TBC1D32: variants seen among roughly 807,000 people sequenced by gnomAD.
The protein encoded by TBC1D32 is TBC1 domain family member 32.
Under a neutral mutation model 170.3 loss-of-function variants are expected in TBC1D32, and 151 were observed. The ratio of observed to expected loss-of-function variants is 0.89; its 90% CI spans 0.78 to 1.01. The LOEUF is 1.01. TBC1D32 is among the 50% of genes least tolerant of loss of function. The pLI, the probability that TBC1D32 is intolerant of heterozygous loss-of-function variation, is 0.00. For synonymous variants in TBC1D32, 498 were observed against 488.0 expected, an observed-to-expected ratio of 1.02 and a Z score of -0.27; for missense variants, 1,464 against 1,457.1, an observed-to-expected ratio of 1.00 and a Z score of -0.08.
intron 24 of TBC1D32, among the ~76,000 whole-genome samples, chr6:121,153,394 T>C (rs550872707): frequency 2.2e-4 from 33 of 152,304 alleles, no homozygotes; most frequent in South Asian, 1.7e-3. Context: ...ACCCACCAGA[T>C]GCCAGCTGAA....
intron 4 of TBC1D32, among the ~76,000 whole-genome samples, chr6:121,308,515 C>T (rs73526697): frequency 0.051 from 7,695 of 151,750 alleles, 383 homozygotes; most frequent in African/African-American, 0.12. Flanking sequence ...CCTGGCAAAG[C>T]ATTTCCATTC....
At chr6:121,238,050 C>A (rs947022657) in intron 20 of TBC1D32, among the ~76,000 whole-genome samples, 1 of 152,126 alleles carries the variant, frequency 6.6e-6, no homozygotes, top group Admixed American at 6.5e-5. Context: ...TCTGATATTT[C>A]TTTACAGTTC....
chr6:121,157,089 C>G (rs899117157), intron 24 of TBC1D32, among the ~76,000 whole-genome samples: 24 of 151,988 alleles, frequency 1.6e-4, no homozygotes, highest in African/African-American at 5.8e-4. Context: ...AGTGATCTGC[C>G]TAATGTTGTC....
At chr6:121,300,395 C>T (rs934938481) in intron 9 of TBC1D32, among the ~76,000 whole-genome samples, 3 of 151,864 alleles carry the variant, frequency 2.0e-5, no homozygotes, top group East Asian at 1.9e-4. Context: ...TGCAGTGAAC[C>T]GAGATTGCGC....
intron 13 of TBC1D32, among the ~76,000 whole-genome samples, chr6:121,283,348 C>A (rs1366002377): frequency 6.6e-6 from 1 of 151,756 alleles, no homozygotes; most frequent in Non-Finnish European, 1.5e-5. Flanking sequence ...AACTAAAAGG[C>A]ATTTTTCTGA....
intron 26 of TBC1D32, 123 bp downstream of exon 26, chr6:121,126,255 T>C (rs1780833700): frequency 6.1e-6 from 4 of 653,628 alleles, no homozygotes; most frequent in Non-Finnish European, 7.8e-6. Flanking sequence ...GGAATGTATA[T>C]GGCACCAAGT....
chr6:121,216,203 C>T (rs1329179195), intron 21 of TBC1D32, among the ~76,000 whole-genome samples: 1 of 152,186 alleles, frequency 6.6e-6, no homozygotes, highest in Non-Finnish European at 1.5e-5. Context: ...CATGAAAAGA[C>T]AAGACTGGCA....
At chr6:121,197,663 C>T (rs1411374610) in intron 22 of TBC1D32, among the ~76,000 whole-genome samples, 1 of 152,062 alleles carries the variant, frequency 6.6e-6, no homozygotes, top group Non-Finnish European at 1.5e-5. Flanking sequence ...AGAAGGATAG[C>T]TGTATTATGT....
In TBC1D32 at chr6:121,328,582, C is replaced by T. The variant is rs542959936; in HGVS notation, c.155+5694G>A. On this transcript the variant is annotated intron_variant, in intron 1 of 31. Transcript: ENST00000398212. The stretch of plus-strand genomic sequence containing the variant: ...TACAGGCGTGAGCCACCATGCCCGG[C>T]CTCTAGTTTTTTAAGATATAGTCTG... Among the ~76,000 whole-genome samples, 38 of 152,210 alleles carry T rather than the reference C, an allele frequency of 2.5e-4. 4 individuals carry two copies. The South Asian group carries it at 7.7e-3, about 31-fold the overall frequency.
chr6:121,285,559 A>G (rs564638613), intron 12 of TBC1D32, among the ~76,000 whole-genome samples: 1 of 152,256 alleles, frequency 6.6e-6, no homozygotes, highest in Admixed American at 6.5e-5. Context: ...AAATAGGAAC[A>G]GCTCCAGTCT....
At chr6:121,228,158 C>A (rs1795293342) in intron 20 of TBC1D32, among the ~76,000 whole-genome samples, 1 of 151,986 alleles carries the variant, frequency 6.6e-6, no homozygotes, top group African/African-American at 2.4e-5. Flanking sequence ...AATTTTGGAT[C>A]TCTCTTATTT....
intron 19 of TBC1D32, 52 bp downstream of exon 19, chr6:121,241,413 G>A: frequency 6.8e-7 from 1 of 1,474,030 alleles, no homozygotes; most frequent in East Asian, 2.5e-5. Context: ...CAGTTGGCTT[G>A]CTCATTTTAT....
At chr6:121,280,592 A>G (rs948412631) in intron 14 of TBC1D32, among the ~76,000 whole-genome samples, 23 of 151,888 alleles carry the variant, frequency 1.5e-4, no homozygotes, top group African/African-American at 5.6e-4. Flanking sequence ...ACTCTAGTCT[A>G]AAGGGGAATT....
chr6:121,082,370 T>C (rs1178198870), intron 31 of TBC1D32, among the ~76,000 whole-genome samples: 1 of 152,050 alleles, frequency 6.6e-6, no homozygotes, highest in Non-Finnish European at 1.5e-5. Flanking sequence ...GTTCAAGAAC[T>C]CATTTTAAAC....
At chr6:121,293,789 T>C (rs1379191425) in intron 11 of TBC1D32, among the ~76,000 whole-genome samples, 1 of 152,090 alleles carries the variant, frequency 6.6e-6, no homozygotes, top group Non-Finnish European at 1.5e-5. Context: ...CAGGCACCTG[T>C]ACTCCCAGCT....
intron 21 of TBC1D32, among the ~76,000 whole-genome samples, chr6:121,215,578 G>GTATGAGAGAAAATATTTACA (rs1793715555): frequency 6.6e-6 from 1 of 151,968 alleles, no homozygotes; most frequent in South Asian, 2.1e-4. Context: ...ACAACCTATA[G>GTATGAGAGAAAATATTTACA]TATGAGAGAA....
At chr6:121,261,069 T>C (rs1293850873) in intron 15 of TBC1D32, among the ~76,000 whole-genome samples, 1 of 152,038 alleles carries the variant, frequency 6.6e-6, no homozygotes, top group African/African-American at 2.4e-5. Context: ...CCCTCCTCAC[T>C]GGGTGGGGTC....
At chr6:121,216,832 A>G (rs1297174414) in intron 21 of TBC1D32, among the ~76,000 whole-genome samples, 3 of 152,172 alleles carry the variant, frequency 2.0e-5, no homozygotes, top group Non-Finnish European at 4.4e-5. Flanking sequence ...TGAGAGTTTT[A>G]TCTCCTGCAG....
intron 31 of TBC1D32, among the ~76,000 whole-genome samples, chr6:121,085,277 G>GTATATATATACATATATACA (rs1776099488): frequency 1.1e-5 from 1 of 94,874 alleles, no homozygotes; most frequent in Non-Finnish European, 1.8e-5. Context: ...ACATATATAC[G>GTATATATATACATATATACA]TATATATATA....
Sources: allele counts gnomAD v4.1 joint callset (sites outside exome capture counted in the v4.1 genomes callset), GRCh38; gene constraint gnomAD v4.1.1; transcripts MANE v1.5; gene names NCBI Gene and HGNC (gene_info 2026-07-23, HGNC 2026-07-21).